The following PCM1 variants were observed in gnomAD, a reference collection of about 807,000 sequenced individuals.
PCM1 encodes the protein pericentriolar material 1, also known as pericentriolar material 1 protein.
PCM1 carries 157 observed loss-of-function variants against 241.9 expected under a neutral mutation model. That is an observed-to-expected ratio of 0.65 (90% CI 0.57 to 0.74). The LOEUF is 0.74. Among genes scored for constraint, PCM1 ranks in the 30% least tolerant of loss-of-function variants. The probability of loss-of-function intolerance (pLI) is 0.00; values close to 1 mark genes in which losing one functional copy is unlikely to be tolerated. For synonymous variants in PCM1, 1,085 were observed against 784.9 expected (o/e 1.38, Z -6.39); for missense variants, 3,478 against 2,360.1 (o/e 1.47, Z -9.81).
Position 17,995,319 on chromosome 8 carries a change from G to A in PCM1, c.4827+1700G>A, listed in dbSNP as rs1033250345. Among the ~76,000 whole-genome samples, 13 of 151,274 alleles carry A rather than the reference G, an allele frequency of 8.6e-5. 1 individual carries two copies. Among genetic ancestry groups the A allele is most frequent in the African/African-American group, 3.2e-4 (13 of 40,636 alleles). ...CCCACTGTATGTTCTTGGCACCTTT[G>A]TTGAAAATGAGTTTATTGTAGGTAT... On this transcript the variant is annotated intron_variant, in intron 29 of 38. Transcript: ENST00000325083.
intron 21 of PCM1, among the ~76,000 whole-genome samples, chr8:17,967,700 G>C (rs2075417462): frequency 6.6e-6 from 1 of 152,188 alleles, no homozygotes; most frequent in Admixed American, 6.5e-5. Context: ...TATTTATTAA[G>C]AGGAAAGAGA....
At chr8:17,927,211 TCTC>T (rs2057339345) in intron 2 of PCM1, 1 of 147,546 alleles carries the variant, frequency 6.8e-6, no homozygotes, top group African/African-American at 2.5e-5. Flanking sequence ...ACTGCATCCC[TCTC>T]CTCCCGAGTT....
At chr8:18,025,321 G>C in intron 36 of PCM1, 40 bp from the exon 37 acceptor site, 1 of 1,041,254 alleles carries the variant, frequency 9.6e-7, no homozygotes, top group Non-Finnish European at 1.5e-6. Flanking sequence ...TGACTGGTTT[G>C]GATCTAGAGT....
chr8:17,986,326 A>G (rs1008277237), intron 26 of PCM1: 2 of 274,582 alleles, frequency 7.3e-6, no homozygotes, highest in East Asian at 6.4e-5. Context: ...AGATAGCCAT[A>G]TTTATGTTGT....
intron 6 of PCM1, among the ~76,000 whole-genome samples, chr8:17,946,722 C>A (rs898455625): frequency 6.6e-6 from 1 of 152,098 alleles, no homozygotes; most frequent in Non-Finnish European, 1.5e-5. Context: ...TCTCAAACTC[C>A]TGACCTTGTG....
intron 3 of PCM1, 62 bp from the exon 4 acceptor site, chr8:17,937,072 T>C (rs2060642735): frequency 7.6e-7 from 1 of 1,317,180 alleles, no homozygotes; most frequent in Admixed American, 2.7e-5. Flanking sequence ...TTTTTAATTA[T>C]ACCAATCTAT....
Position 17,953,203 on chromosome 8 carries a change from C to G in PCM1, c.1288+17C>G. The G allele has an allele frequency of 7.1e-7, 1 of 1,400,280 alleles. No homozygotes were observed. Among genetic ancestry groups the G allele is most frequent in the Middle Eastern group, 1.8e-4 (1 of 5,700 alleles). The allele number at this position is 1,400,280 out of a possible 1,614,324, so 86.7% of individuals were successfully genotyped here. ...ATTCATCATGTGAGTAAATCTGGTT[C>G]AGCAGTATTGGGTATAAGACACACA... is the stretch of plus-strand genomic sequence containing the variant. On this transcript the variant is annotated intron_variant, in intron 9 of 38. Coordinates refer to ENST00000325083, the MANE Select transcript of PCM1 (RefSeq NM_006197.4).
intron 6 of PCM1, among the ~76,000 whole-genome samples, chr8:17,945,334 A>C (rs2063409890): frequency 6.6e-6 from 1 of 152,136 alleles, no homozygotes; most frequent in Admixed American, 6.5e-5. Context: ...TAATTTGTTA[A>C]AAGTTTCAGT....
chr8:17,966,248 G>T (rs377597919), intron 19 of PCM1, 30 bp downstream of exon 19: 3 of 1,607,942 alleles, frequency 1.9e-6, no homozygotes, highest in Non-Finnish European at 2.6e-6. Context: ...TATATTTTTC[G>T]TCTATTTTTA....
Position 17,963,273 on chromosome 8 carries a change from A to G in PCM1, c.2636A>G (p.Gln879Arg), listed in dbSNP as rs1277881607. Reference sequence around the variant, plus strand: ...GGATCTGAGAACCTATGTACTCCTCAGCAAAGTAGAACAGAAAAGTAAGAG... The same window carrying G: ...GGATCTGAGAACCTATGTACTCCTCGGCAAAGTAGAACAGAAAAGTAAGAG... The part of the protein sequence containing the change: ...SDGSENLCTP[Q>R]QSRTEKTMAT... The change falls in exon 17 of 39, where the codon CAG becomes CGG. Residue 879 changes from glutamine (Q) to arginine (R), a missense_variant. Coordinates refer to ENST00000325083, the MANE Select transcript of PCM1 (RefSeq NM_006197.4). 10 of 1,589,690 alleles carry G rather than the reference A, an allele frequency of 6.3e-6. No homozygotes were observed. Among genetic ancestry groups the G allele is most frequent in the African/African-American group, 1.4e-5 (1 of 73,218 alleles).
chr8:18,003,324 T>C (rs1341276493), intron 29 of PCM1, among the ~76,000 whole-genome samples: 1 of 152,232 alleles, frequency 6.6e-6, no homozygotes. Context: ...AACTGGCCCA[T>C]AGGATAAAGA....
At chr8:18,020,565 C>T (rs2093669941) in intron 36 of PCM1, among the ~76,000 whole-genome samples, 1 of 152,186 alleles carries the variant, frequency 6.6e-6, no homozygotes, top group Non-Finnish European at 1.5e-5. Flanking sequence ...ATTGACTCCT[C>T]ACATTGACTT....
rs756656391 is a variant in PCM1 at position 17,965,972 on chromosome 8, G to T, written c.2856-27G>T. On this transcript the variant is annotated intron_variant, in intron 18 of 38. Transcript: ENST00000325083. ...TAAAAACCAAATTATTATGTATGAT[G>T]ACTTAATGCTTTCAATCTTGTGTTA... The T allele has an allele frequency of 3.2e-6, 5 of 1,545,568 alleles. No individual in the cohort carries two copies. The South Asian group carries it at 3.5e-5, about 11-fold the overall frequency.
At chr8:17,986,162 C>A (rs920140440) in intron 26 of PCM1, 75 bp downstream of exon 26, 3 of 1,033,262 alleles carry the variant, frequency 2.9e-6, no homozygotes, top group African/African-American at 1.7e-5. Flanking sequence ...AGATTATTGT[C>A]AAATTGTAGG....
intron 10 of PCM1, 57 bp downstream of exon 10, chr8:17,955,710 T>C: frequency 1.5e-6 from 2 of 1,299,286 alleles, no homozygotes; most frequent in Non-Finnish European, 1.1e-6. Context: ...TAAATTCTGT[T>C]TTTTTTTTTA....
rs998736814 is a variant in PCM1, at chr8:17,969,703, C to G, written c.3539C>G (p.Pro1180Arg). ...SSGKTEYMAF[P>R]KPFESSSSIG... ...GGAAAAACAGAATATATGGCTTTTC[C>G]AAAACCTTTTGAAAGCAGTTCCTCT... The change falls in exon 22 of 39, where the codon CCA (proline) becomes CGA (arginine). Residue 1180 changes from proline (P) to arginine (R), a missense_variant. Coordinates refer to ENST00000325083, the MANE Select transcript of PCM1 (RefSeq NM_006197.4). The G allele has an allele frequency of 2.5e-6, 4 of 1,612,412 alleles. No homozygotes were observed. The highest frequency in any genetic ancestry group is 1.7e-5 in the Admixed American group (1 of 59,860).
At chr8:18,027,101 T>A (rs1247649939) in intron 38 of PCM1, among the ~76,000 whole-genome samples, 1 of 152,222 alleles carries the variant, frequency 6.6e-6, no homozygotes, top group East Asian at 1.9e-4. Context: ...GAAAATTGCA[T>A]GATATCTCAT....
Position 18,009,739 on chromosome 8 carries a change from AAAGAG to A in PCM1, c.5156_5160del (p.Lys1719SerfsTer2). 6.9e-7 allele frequency: 1 copy of A among 1,441,510 alleles called. No homozygotes were observed. 89.3% of individuals were successfully genotyped at this position (1,441,510 alleles called of 1,614,324 possible). A position where few individuals can be genotyped will look rare whatever the true frequency, so the allele number is the denominator to read the frequency against. ...AACTGGAGTGATACAATCTTGTGCC[AAAGAG>A]GTAAATAACGTTCATTTTGATTTTT... On this transcript the variant is annotated frameshift_variant and splice_region_variant, in exon 31 of 39. Coordinates refer to ENST00000325083, the MANE Select transcript of PCM1 (RefSeq NM_006197.4). LOFTEE classifies it high-confidence loss of function.
intron 21 of PCM1, among the ~76,000 whole-genome samples, chr8:17,968,571 G>A (rs2075747277): frequency 6.6e-6 from 1 of 151,942 alleles, no homozygotes; most frequent in African/African-American, 2.4e-5. Context: ...TCATGAGGAG[G>A]AGTTAAAGGT....
Sources: gnomAD v4.1 joint callset for allele counts (sites outside exome capture counted in the v4.1 genomes callset) on GRCh38, gnomAD v4.1.1 for gene constraint, MANE v1.5 for transcripts, NCBI Gene and HGNC (gene_info 2026-07-23, HGNC 2026-07-21) for gene names.